XG: variants seen among roughly 807,000 people sequenced by gnomAD.
The protein encoded by XG is glycoprotein Xg.
A neutral mutation model predicts 25.7 loss-of-function variants in XG; 24 were observed. The ratio of observed to expected loss-of-function variants is 0.93; its 90% CI spans 0.68 to 1.31. The LOEUF is 1.31. Ranked by LOEUF, XG falls within the 40% of genes most tolerant of loss-of-function variation. The pLI is 0.00. For missense variants in XG, 181 were observed against 187.6 expected, an observed-to-expected ratio of 0.96 and a Z score of 0.21; for synonymous variants, 77 against 69.2, an observed-to-expected ratio of 1.11 and a Z score of -0.56.
At chrX:2,757,084 G>T (rs2050452199) in intron 1 of XG, among the ~76,000 whole-genome samples, 1 of 152,138 alleles carries the variant, frequency 6.6e-6, no homozygotes, top group East Asian at 1.9e-4. Flanking sequence ...TGGGGAGTTG[G>T]AAAGGGGATG....
intron 4 of XG, among the ~76,000 whole-genome samples, chrX:2,785,954 T>C (rs2086779414): frequency 9.0e-6 from 1 of 111,146 alleles, no homozygotes; most frequent in Non-Finnish European, 1.9e-5. Flanking sequence ...TCTCCCTCCA[T>C]TGACTTGATA....
intron 7 of XG, among the ~76,000 whole-genome samples, chrX:2,801,732 G>A (rs765446696): frequency 2.2e-4 from 24 of 108,820 alleles, no homozygotes; most frequent in Admixed American, 7.8e-4. Flanking sequence ...TTTTTGAGAC[G>A]GAGTCTCGCT....
chrX:2,783,409 A>G (rs911585475), intron 4 of XG, among the ~76,000 whole-genome samples: 5 of 111,178 alleles, frequency 4.5e-5, no homozygotes, highest in African/African-American at 1.6e-4. Context: ...GAAAGAAGAA[A>G]GGAAAAGATA....
chrX:2,752,500 G>A (rs9657823), intron 1 of XG, among the ~76,000 whole-genome samples, 165 bp downstream of exon 1: 32,234 of 151,986 alleles, frequency 0.21, 4,187 homozygotes, highest in South Asian at 0.41. Context: ...AGGGGAGGGA[G>A]AAGACGGGCT....
At chrX:2,777,471 T>C (rs1450076909) in intron 3 of XG, among the ~76,000 whole-genome samples, 1 of 152,188 alleles carries the variant, frequency 6.6e-6, no homozygotes, top group East Asian at 1.9e-4. Flanking sequence ...TGAATGCCTG[T>C]AGTCCCAGCT....
At chrX:2,768,283 G>A (rs1471267393) in intron 1 of XG, among the ~76,000 whole-genome samples, 1 of 152,150 alleles carries the variant, frequency 6.6e-6, no homozygotes, top group Non-Finnish European at 1.5e-5. Flanking sequence ...ATTGGTCAAC[G>A]GCGAACACAG....
chrX:2,807,881 G>T (rs1419915992), intron 8 of XG, among the ~76,000 whole-genome samples: 1 of 111,899 alleles, frequency 8.9e-6, no homozygotes, highest in Non-Finnish European at 1.9e-5. Context: ...TGTCCATGGG[G>T]TTGTCAGCCT....
intron 3 of XG, among the ~76,000 whole-genome samples, chrX:2,778,248 A>G (rs2051043927): frequency 6.6e-6 from 1 of 151,466 alleles, no homozygotes; most frequent in Non-Finnish European, 1.5e-5. Flanking sequence ...TGTTATTAAG[A>G]ATAAAGATGT....
At chrX:2,773,894 G>A (rs1475713041) in intron 2 of XG, among the ~76,000 whole-genome samples, 1 of 152,052 alleles carries the variant, frequency 6.6e-6, no homozygotes, top group Non-Finnish European at 1.5e-5. Context: ...GCAGGAAGGA[G>A]AAAAGGTGAT....
rs1211282378 is a variant in XG at position 2,752,338 on chromosome X, A to T, written c.61+3A>T. ...GTGTTTTCTAATGCACGCCCGAGGT[A>T]AGAGGCATTTTGCTTTGAGGGAGAT... On this transcript the variant is annotated splice_donor_region_variant and intron_variant, in intron 1 of 10. Transcript: ENST00000644266. 1 of 1,613,124 alleles carries T rather than the reference A, an allele frequency of 6.2e-7. No individual in the cohort carries two copies. Among genetic ancestry groups the T allele is most frequent in the East Asian group, 2.2e-5 (1 of 44,884 alleles).
At chrX:2,759,009 T>G (rs887344879) in intron 1 of XG, among the ~76,000 whole-genome samples, 1 of 118,994 alleles carries the variant, frequency 8.4e-6, no homozygotes, top group African/African-American at 3.2e-5. Context: ...ATTACCTATC[T>G]ATGTATCTAT....
intron 3 of XG, among the ~76,000 whole-genome samples, chrX:2,776,022 G>T (rs1248595488): frequency 1.3e-5 from 2 of 152,056 alleles, no homozygotes; most frequent in Non-Finnish European, 2.9e-5. Flanking sequence ...GGGCGCAGTG[G>T]CTCACGCCTG....
chrX:2,757,985 A>G (rs868581440), intron 1 of XG, among the ~76,000 whole-genome samples: 3 of 99,544 alleles, frequency 3.0e-5, no homozygotes, highest in Admixed American at 9.1e-5. Flanking sequence ...AAAAAAAAAA[A>G]AAAAAAAAAA....
At chrX:2,811,218 TG>T in intron 9 of XG, 117 bp from the exon 10 acceptor site, 1 of 485,407 alleles carries the variant, frequency 2.1e-6, no homozygotes. Flanking sequence ...TTGCAGTTTT[TG>T]TCATTACTTT....
At chrX:2,797,842 G>C (rs745863349) in intron 7 of XG, among the ~76,000 whole-genome samples, 66 of 110,631 alleles carry the variant, frequency 6.0e-4, no homozygotes, top group African/African-American at 2.1e-3. Flanking sequence ...GACCAGCCTG[G>C]ACAACATGGA....
At position 2,789,875 on chromosome X, in the gene XG, A is replaced by G. The variant is rs2086821379; in HGVS notation, c.253+169A>G. Among the ~76,000 whole-genome samples, 4 of 106,374 alleles carry G rather than the reference A, an allele frequency of 3.8e-5. No homozygotes were observed. The Admixed American group carries it at 4.0e-4, about 11-fold the overall frequency. 92.4% of individuals were successfully genotyped at this position (106,374 alleles called of 115,157 possible). On this transcript the variant is annotated intron_variant, in intron 5 of 10. Coordinates refer to ENST00000644266, the MANE Select transcript of XG (RefSeq NM_001141919.2). ...ATTTTACTATTTTATTTTATTATTT[A>G]TTTTGGAGACAGGGTCTCGCTCTGT...
rs1428389896 is a variant in XG, at chrX:2,801,795, G to A, written c.373+4435G>A. 5.9e-4 allele frequency among the ~76,000 whole-genome samples: 65 copies of A among 110,573 alleles called. 1 individual carries two copies. Among genetic ancestry groups the A allele is most frequent in the Middle Eastern group, 4.6e-3 (1 of 217 alleles). Reference sequence around the variant, plus strand: ...GTCATCTCGGCTCACTGCAAGCTCCGCCTCCCGGGTTCACGCCATTCTCCT... The same window carrying A: ...GTCATCTCGGCTCACTGCAAGCTCCACCTCCCGGGTTCACGCCATTCTCCT... On this transcript the variant is annotated intron_variant, in intron 7 of 10. Coordinates refer to ENST00000644266, the MANE Select transcript of XG (RefSeq NM_001141919.2).
intron 3 of XG, among the ~76,000 whole-genome samples, chrX:2,776,086 G>A (rs772083342): frequency 1.3e-5 from 2 of 152,250 alleles, no homozygotes; most frequent in Non-Finnish European, 2.9e-5. Context: ...TCAGGAGATC[G>A]AGACCATCCT....
chrX:2,778,951 A>G (rs2051061298), intron 3 of XG, among the ~76,000 whole-genome samples: 1 of 151,776 alleles, frequency 6.6e-6, no homozygotes, highest in East Asian at 1.9e-4. Context: ...TTTAGTAGAG[A>G]CGGGGTTTCA....
Sources: gnomAD v4.1 joint callset for allele counts (sites outside exome capture counted in the v4.1 genomes callset) on GRCh38, gnomAD v4.1.1 for gene constraint, MANE v1.5 for transcripts, NCBI Gene and HGNC (gene_info 2026-07-23, HGNC 2026-07-21) for gene names.